SIPA1L1: variants seen among roughly 807,000 people sequenced by gnomAD.
The protein encoded by SIPA1L1 is signal induced proliferation associated 1 like 1.
Under a neutral mutation model 162.7 loss-of-function variants are expected in SIPA1L1, and 26 were observed. The observed-to-expected ratio is 0.16, with a 90% CI of 0.12 to 0.22. The LOEUF is 0.22. Among genes scored for constraint, SIPA1L1 ranks in the 10% least tolerant of loss-of-function variants. The pLI is 1.00. For synonymous variants in SIPA1L1, 829 were observed against 837.4 expected (o/e 0.99, Z 0.17); for missense variants, 1,874 against 2,241.0 (o/e 0.84, Z 3.31).
At chr14:71,591,200 C>G (rs2035346221) in intron 5 of SIPA1L1, among the ~76,000 whole-genome samples, 4 of 152,004 alleles carry the variant, frequency 2.6e-5, no homozygotes, top group Non-Finnish European at 5.9e-5. Context: ...TTACTGTGTA[C>G]CAGGCACTGT....
Position 71,733,662 on chromosome 14 carries a change from G to C in SIPA1L1, c.4862-4G>C. ...AGCATCTCATTCCTCCTCCCTTCCC[G>C]CAGGAGAGTTCTCAGCCTCGGACAG... On this transcript the variant is annotated splice_region_variant and splice_polypyrimidine_tract_variant and intron_variant, in intron 20 of 23. Coordinates refer to ENST00000381232, the MANE Select transcript of SIPA1L1 (RefSeq NM_001386936.1). 6.2e-7 allele frequency: 1 copy of C among 1,612,968 alleles called. No individual in the cohort carries two copies. Among genetic ancestry groups the C allele is most frequent in the East Asian group, 2.2e-5 (1 of 44,874 alleles).
chr14:71,412,224 G>A (rs531664786), intron 2 of SIPA1L1, among the ~76,000 whole-genome samples: 4 of 152,154 alleles, frequency 2.6e-5, no homozygotes, highest in Non-Finnish European at 5.9e-5. Flanking sequence ...TGCAGCCCAC[G>A]AGCCACATGT....
intron 5 of SIPA1L1, among the ~76,000 whole-genome samples, chr14:71,592,620 C>T (rs1171033205): frequency 2.0e-5 from 3 of 151,180 alleles, no homozygotes; most frequent in African/African-American, 7.3e-5. Context: ...TTCACTGTGG[C>T]TAAGTCTCAG....
chr14:71,389,482 C>A (rs901066348), intron 2 of SIPA1L1, among the ~76,000 whole-genome samples: 27 of 152,238 alleles, frequency 1.8e-4, no homozygotes, highest in African/African-American at 6.3e-4. Context: ...TAAGATAGTA[C>A]CATTTGTAGG....
intron 2 of SIPA1L1, among the ~76,000 whole-genome samples, chr14:71,378,650 A>G (rs557917272): frequency 5.9e-5 from 9 of 151,940 alleles, no homozygotes; most frequent in African/African-American, 2.2e-4. Flanking sequence ...AATTAGGTTG[A>G]TAGTGTTTTT....
chr14:71,678,882 G>A (rs1044034892), intron 12 of SIPA1L1, among the ~76,000 whole-genome samples: 39 of 151,764 alleles, frequency 2.6e-4, no homozygotes, highest in African/African-American at 9.0e-4. Context: ...GAGAAGTTTA[G>A]AGAAAAAAGA....
intron 19 of SIPA1L1, 90 bp from the exon 20 acceptor site, chr14:71,729,965 G>A: frequency 7.0e-7 from 1 of 1,423,974 alleles, no homozygotes; most frequent in Non-Finnish European, 9.7e-7. Context: ...GTCTGGAGCA[G>A]TAACTTGGTT....
chr14:71,571,174 A>C (rs76441929), intron 4 of SIPA1L1, among the ~76,000 whole-genome samples: 2,761 of 152,332 alleles, frequency 0.018, 43 homozygotes, highest in Middle Eastern at 0.048. Context: ...GTGAAAGATT[A>C]AATAATCTGG....
intron 2 of SIPA1L1, among the ~76,000 whole-genome samples, chr14:71,474,279 T>A (rs2047683366): frequency 6.6e-6 from 1 of 152,210 alleles, no homozygotes; most frequent in Non-Finnish European, 1.5e-5. Flanking sequence ...GAATTTTGTC[T>A]AAGAAAATTT....
At chr14:71,333,704 A>G (rs1467317656) in intron 2 of SIPA1L1, among the ~76,000 whole-genome samples, 1 of 152,216 alleles carries the variant, frequency 6.6e-6, no homozygotes, top group Non-Finnish European at 1.5e-5. Context: ...ACATCAATAA[A>G]CAACTCTGAG....
intron 2 of SIPA1L1, among the ~76,000 whole-genome samples, chr14:71,342,291 A>G (rs566005969): frequency 6.6e-6 from 1 of 152,226 alleles, no homozygotes; most frequent in South Asian, 2.1e-4. Context: ...AAGTGCTGGG[A>G]TTAGAGATGT....
chr14:71,434,643 A>G (rs1384476794), intron 2 of SIPA1L1, among the ~76,000 whole-genome samples: 2 of 152,082 alleles, frequency 1.3e-5, no homozygotes, highest in Non-Finnish European at 2.9e-5. Context: ...TGGTGGGACA[A>G]TCATAGCTCA....
intron 7 of SIPA1L1, among the ~76,000 whole-genome samples, chr14:71,628,245 T>G (rs1359324025): frequency 6.6e-6 from 1 of 152,258 alleles, no homozygotes; most frequent in Non-Finnish European, 1.5e-5. Context: ...AGAGCCATTT[T>G]TCTTCAACAG....
In SIPA1L1 at chr14:71,377,390, G is replaced by A. The variant is rs936181111; in HGVS notation, c.-465+56209G>A. Reference sequence around the variant, plus strand: ...CAGTTCCCAGACGGGGTCGCGGCCGGGCAGAGGCACTCCTCACCTCCCAGA... The same window carrying A: ...CAGTTCCCAGACGGGGTCGCGGCCGAGCAGAGGCACTCCTCACCTCCCAGA... On this transcript the variant is annotated intron_variant, in intron 2 of 23. Transcript: ENST00000381232. The surrounding 1 kb of genome is among the most constrained non-coding windows in gnomAD (Gnocchi z 4.8). Among the ~76,000 whole-genome samples, 5 of 151,928 alleles carry A rather than the reference G, an allele frequency of 3.3e-5. No homozygotes were observed. The highest frequency in any genetic ancestry group is 7.4e-5 in the Non-Finnish European group (5 of 67,974).
chr14:71,486,520 G>A (rs2048768212), intron 2 of SIPA1L1, among the ~76,000 whole-genome samples: 1 of 152,214 alleles, frequency 6.6e-6, no homozygotes, highest in Admixed American at 6.5e-5. Context: ...CAAGTGTGGT[G>A]TTTAAATGGG....
At chr14:71,679,559 G>T (rs1411610236) in intron 12 of SIPA1L1, among the ~76,000 whole-genome samples, 1 of 152,166 alleles carries the variant, frequency 6.6e-6, no homozygotes, top group African/African-American at 2.4e-5. Flanking sequence ...ACATCATAAT[G>T]ACAGGATCAG....
At chr14:71,486,810 A>G (rs1427476140) in intron 2 of SIPA1L1, among the ~76,000 whole-genome samples, 1 of 152,220 alleles carries the variant, frequency 6.6e-6, no homozygotes, top group Non-Finnish European at 1.5e-5. Context: ...GTAATCTTTT[A>G]AATCTATAAA....
At chr14:71,540,508 G>A (rs968910943) in intron 4 of SIPA1L1, among the ~76,000 whole-genome samples, 9 of 151,892 alleles carry the variant, frequency 5.9e-5, no homozygotes, top group African/African-American at 1.7e-4. Flanking sequence ...TAGCAAGACC[G>A]CATCTCTACG....
chr14:71,536,537 G>A (rs192301147), intron 4 of SIPA1L1, among the ~76,000 whole-genome samples: 1 of 152,270 alleles, frequency 6.6e-6, no homozygotes, highest in African/African-American at 2.4e-5. Flanking sequence ...TTCAGTTTTG[G>A]AACAGTGTCT....
Sources: gnomAD v4.1 joint callset for allele counts (sites outside exome capture counted in the v4.1 genomes callset) on GRCh38, gnomAD v4.1.1 for gene constraint, Gnocchi (gnomAD v3.1) non-coding constraint, MANE v1.5 for transcripts, NCBI Gene and HGNC (gene_info 2026-07-23, HGNC 2026-07-21) for gene names.